PCDHGA2: variants seen among roughly 807,000 people sequenced by gnomAD.
The protein encoded by PCDHGA2 is protocadherin gamma subfamily A, 2, also known as protocadherin gamma-A2.
A neutral mutation model predicts 59.2 loss-of-function variants in PCDHGA2; 40 were observed. The ratio of observed to expected loss-of-function variants is 0.68; its 90% CI spans 0.52 to 0.88. PCDHGA2 has a LOEUF of 0.88. Ranked by LOEUF, PCDHGA2 falls within the 40% of genes least tolerant of loss-of-function variation. PCDHGA2 has a pLI of 0.00. For synonymous variants in PCDHGA2, 560 were observed against 526.0 expected (o/e 1.06, Z -0.89); for missense variants, 1,226 against 1,204.0 (o/e 1.02, Z -0.27).
intron 1 of PCDHGA2, among the ~76,000 whole-genome samples, chr5:141,480,949 G>A (rs949853273): frequency 2.0e-4 from 30 of 152,136 alleles, no homozygotes; most frequent in African/African-American, 4.6e-4. Flanking sequence ...AGAGGCTGAG[G>A]CGGAAGCATC....
chr5:141,481,868 C>A (rs983373194), intron 1 of PCDHGA2, among the ~76,000 whole-genome samples: 4 of 147,412 alleles, frequency 2.7e-5, no homozygotes, highest in African/African-American at 1.0e-4. Flanking sequence ...GAGCCGAGAT[C>A]GCGCCACTGC....
rs775092851 is a variant in PCDHGA2 at position 141,388,890 on chromosome 5, A to G, written c.2424+47495A>G. ...GCAATGCACAGTGGAGGTAGAAGTC[A>G]TAGATGAAAATGACAACGCCCCAGA... On this transcript the variant is annotated intron_variant, in intron 1 of 3. Coordinates refer to ENST00000394576, the MANE Select transcript of PCDHGA2 (RefSeq NM_018915.4). The G allele has an allele frequency of 3.7e-6, 6 of 1,613,888 alleles. No individual in the cohort carries two copies. The African/African-American group carries it at 6.7e-5, about 18-fold the overall frequency.
At position 141,489,754 on chromosome 5, in the gene PCDHGA2, C is replaced by G; in HGVS notation, c.2425-5053C>G. 1 of 1,614,110 alleles carries G rather than the reference C, an allele frequency of 6.2e-7. No homozygotes were observed. The highest frequency in any genetic ancestry group is 8.5e-7 in the Non-Finnish European group (1 of 1,179,972). ...CACCAATACTGTGAGCTTTTACACT[C>G]TAAGCCCCAACAGCCACTTCTCTCT... On this transcript the variant is annotated intron_variant, in intron 1 of 3. Coordinates refer to ENST00000394576, the MANE Select transcript of PCDHGA2 (RefSeq NM_018915.4). The surrounding 1 kb of genome is among the most constrained non-coding windows in gnomAD (Gnocchi z 4.5).
At chr5:141,404,023 A>G in intron 1 of PCDHGA2, 1 of 1,613,874 alleles carries the variant, frequency 6.2e-7, no homozygotes, top group South Asian at 1.1e-5. Context: ...GCCCAGTGAG[A>G]GAAGACGCAC....
rs576318312 is a variant in PCDHGA2, at chr5:141,410,171, A to G, written c.2424+68776A>G. On this transcript the variant is annotated intron_variant, in intron 1 of 3. Coordinates refer to ENST00000394576, the MANE Select transcript of PCDHGA2 (RefSeq NM_018915.4). ...CGGTGGACAGCCGCCACTCTCTGCCACCGCCACGCTTCATCTGGTCTTCGC... is the reference window on the plus strand; with the variant it reads ...CGGTGGACAGCCGCCACTCTCTGCCGCCGCCACGCTTCATCTGGTCTTCGC... 181 of 1,613,780 alleles carry G rather than the reference A, an allele frequency of 1.1e-4. 1 individual carries two copies. The East Asian group carries it at 4.0e-3, about 36-fold the overall frequency.
chr5:141,374,476 C>A, intron 1 of PCDHGA2: 3 of 1,612,124 alleles, frequency 1.9e-6, no homozygotes, highest in Non-Finnish European at 1.7e-6. Context: ...ACAATACACC[C>A]CGATTCTTAA....
At chr5:141,366,741 G>T in intron 1 of PCDHGA2, 1 of 1,611,828 alleles carries the variant, frequency 6.2e-7, no homozygotes, top group South Asian at 1.1e-5. Context: ...AAAGAAGAAC[G>T]GCGAGTTCAG....
intron 1 of PCDHGA2, chr5:141,414,637 A>G: frequency 5.6e-6 from 9 of 1,613,894 alleles, no homozygotes; most frequent in Non-Finnish European, 6.8e-6. Context: ...CAGCAAAGAG[A>G]ATGCCCAGAT....
chr5:141,409,759 C>A, intron 1 of PCDHGA2: 1 of 1,612,958 alleles, frequency 6.2e-7, no homozygotes, highest in Non-Finnish European at 8.5e-7. Flanking sequence ...CGCAGCGCGC[C>A]TTTGATCACG....
intron 1 of PCDHGA2, chr5:141,468,667 CCATCCTGGCTAA>C (rs2099172391): frequency 6.7e-6 from 1 of 149,836 alleles, no homozygotes; most frequent in African/African-American, 2.5e-5. Flanking sequence ...GAGATCAAGA[CCATCCTGGCTAA>C]CACGGTGAAA....
chr5:141,427,974 G>T, intron 1 of PCDHGA2: 1 of 1,594,576 alleles, frequency 6.3e-7, no homozygotes, highest in South Asian at 1.1e-5. Flanking sequence ...GCTGTACCCC[G>T]CGCTGGGGCC....
At chr5:141,352,035 C>G in intron 1 of PCDHGA2, 1 of 1,608,896 alleles carries the variant, frequency 6.2e-7, no homozygotes, top group Non-Finnish European at 8.5e-7. Context: ...GCGGTGGACG[C>G]AGACTCAGGA....
chr5:141,394,004 A>G (rs1220367944), intron 1 of PCDHGA2: 6 of 1,613,378 alleles, frequency 3.7e-6, no homozygotes, highest in Non-Finnish European at 4.2e-6. Context: ...TAGAAAAGTC[A>G]ATAGGTAATT....
rs972633773 is a variant in PCDHGA2, at chr5:141,489,751, A to T, written c.2425-5056A>T. ...GGGCACCAATACTGTGAGCTTTTAC[A>T]CTCTAAGCCCCAACAGCCACTTCTC... On this transcript the variant is annotated intron_variant, in intron 1 of 3. Coordinates refer to ENST00000394576, the MANE Select transcript of PCDHGA2 (RefSeq NM_018915.4). The surrounding 1 kb of genome is among the most constrained non-coding windows in gnomAD (Gnocchi z 4.5). The T allele has an allele frequency of 1.9e-6, 3 of 1,613,740 alleles. No individual in the cohort carries two copies. Among genetic ancestry groups the T allele is most frequent in the African/African-American group, 2.7e-5 (2 of 74,840 alleles).
In PCDHGA2 at chr5:141,339,115, C is replaced by A; in HGVS notation, c.144C>A (p.Ile48=). The change falls in exon 1 of 4, where the codon ATC becomes ATA. Residue 48 remains isoleucine, a synonymous_variant. Coordinates refer to ENST00000394576, the MANE Select transcript of PCDHGA2 (RefSeq NM_018915.4). ...ACAGAGGCTCCTTCGTAGGCAACATCGCCAAGGACTTGGGTTTGGAGCCCC... is the reference window on the plus strand; with the variant it reads ...ACAGAGGCTCCTTCGTAGGCAACATAGCCAAGGACTTGGGTTTGGAGCCCC... ...EIDRGSFVGN[I]AKDLGLEPLA... is the part of the protein sequence containing the mutation. 6.2e-7 allele frequency: 1 copy of A among 1,614,234 alleles called. No individual in the cohort carries two copies. The highest frequency in any genetic ancestry group is 8.5e-7 in the Non-Finnish European group (1 of 1,180,036).
chr5:141,391,030 G>A (rs2092291091), intron 1 of PCDHGA2: 1 of 152,184 alleles, frequency 6.6e-6, no homozygotes, highest in Non-Finnish European at 1.5e-5. Flanking sequence ...AAAAGACAAT[G>A]TTTTGTGTCT....
intron 1 of PCDHGA2, chr5:141,394,889 T>C: frequency 6.2e-7 from 1 of 1,613,858 alleles, no homozygotes; most frequent in Non-Finnish European, 8.5e-7. Context: ...TTACACTCTA[T>C]CTCGTGGTGG....
At chr5:141,454,034 G>A (rs530844564) in intron 1 of PCDHGA2, among the ~76,000 whole-genome samples, 10 of 152,270 alleles carry the variant, frequency 6.6e-5, no homozygotes, top group African/African-American at 2.4e-4. Context: ...GAATTGGCCA[G>A]CAAAGATAAA....
intron 1 of PCDHGA2, chr5:141,410,113 A>G (rs760617436): frequency 3.4e-5 from 55 of 1,612,436 alleles, no homozygotes; most frequent in Non-Finnish European, 4.6e-5. Flanking sequence ...ACAGGGACGC[A>G]GCCCGCCAGC....
Sources: gnomAD v4.1 joint callset for allele counts (sites outside exome capture counted in the v4.1 genomes callset) on GRCh38, gnomAD v4.1.1 for gene constraint, Gnocchi (gnomAD v3.1) non-coding constraint, MANE v1.5 for transcripts, NCBI Gene and HGNC (gene_info 2026-07-23, HGNC 2026-07-21) for gene names.